The following NELL2 variants were observed in gnomAD, a reference collection of about 807,000 sequenced individuals.
NELL2 encodes neural EGFL like 2.
A neutral mutation model predicts 109.6 loss-of-function variants in NELL2; 41 were observed. That is an observed-to-expected ratio of 0.37 (90% CI 0.29 to 0.49). The LOEUF (loss-of-function observed/expected upper bound fraction) is 0.49. Ranked by LOEUF, NELL2 falls within the 20% of genes least tolerant of loss-of-function variation. The probability of loss-of-function intolerance (pLI) is 0.98; values close to 1 mark genes in which losing one functional copy is unlikely to be tolerated. For missense variants in NELL2, 900 were observed against 1,008.3 expected (o/e 0.89, Z 1.45); for synonymous variants, 355 against 344.7 (o/e 1.03, Z -0.33).
intron 13 of NELL2, among the ~76,000 whole-genome samples, chr12:44,630,365 G>T (rs1334014174): frequency 6.6e-6 from 1 of 152,190 alleles, no homozygotes; most frequent in Non-Finnish European, 1.5e-5. Flanking sequence ...ATTTTAAGTA[G>T]AGGAACTAGA....
intron 1 of NELL2, among the ~76,000 whole-genome samples, chr12:44,896,615 T>A (rs751919436): frequency 9.9e-5 from 15 of 152,176 alleles, no homozygotes; most frequent in Admixed American, 2.6e-4. Flanking sequence ...CAATATGTAA[T>A]TGATTTTATA....
intron 15 of NELL2, among the ~76,000 whole-genome samples, chr12:44,599,126 T>C (rs1945094885): frequency 6.6e-6 from 1 of 152,034 alleles, no homozygotes; most frequent in African/African-American, 2.4e-5. Flanking sequence ...CAAATGTAAA[T>C]TTTCCCTGGA....
chr12:44,831,234 C>T (rs1304696084), intron 2 of NELL2, among the ~76,000 whole-genome samples: 1 of 152,122 alleles, frequency 6.6e-6, no homozygotes, highest in Non-Finnish European at 1.5e-5. Flanking sequence ...ATCTCTAGCG[C>T]TAATTTAACC....
intron 13 of NELL2, among the ~76,000 whole-genome samples, chr12:44,635,955 T>A (rs1442039017): frequency 1.3e-5 from 2 of 152,232 alleles, no homozygotes; most frequent in Non-Finnish European, 2.9e-5. Context: ...CCTCTCTTGT[T>A]TCCTTGAGCA....
At chr12:44,890,550 T>C (rs1210641915) in intron 1 of NELL2, among the ~76,000 whole-genome samples, 1 of 152,146 alleles carries the variant, frequency 6.6e-6, no homozygotes, top group African/African-American at 2.4e-5. Context: ...TCTCTATAGC[T>C]GTCTCCTTTA....
intron 15 of NELL2, among the ~76,000 whole-genome samples, chr12:44,570,335 T>C (rs1943817179): frequency 6.6e-6 from 1 of 152,178 alleles, no homozygotes; most frequent in African/African-American, 2.4e-5. Context: ...TTCCAGTGAC[T>C]GCTCCACCAT....
intron 15 of NELL2, among the ~76,000 whole-genome samples, chr12:44,550,597 G>A (rs555945719): frequency 2.8e-5 from 4 of 144,100 alleles, no homozygotes; most frequent in Admixed American, 7.0e-5. Flanking sequence ...ATAAATAGCC[G>A]AGTTATGGGG....
chr12:44,599,967 T>TG (rs1340323591), intron 15 of NELL2, among the ~76,000 whole-genome samples: 2 of 145,512 alleles, frequency 1.4e-5, no homozygotes, highest in African/African-American at 5.1e-5. Context: ...TCCGTTTTTT[T>TG]TTTTTTTTTT....
At chr12:44,753,411 A>T (rs1437274877) in intron 9 of NELL2, among the ~76,000 whole-genome samples, 2 of 152,168 alleles carry the variant, frequency 1.3e-5, no homozygotes, top group Non-Finnish European at 2.9e-5. Flanking sequence ...CATCTGGATA[A>T]ATTCTAACTG....
intron 2 of NELL2, among the ~76,000 whole-genome samples, chr12:44,852,979 G>A (rs1944576973): frequency 6.6e-6 from 1 of 152,126 alleles, no homozygotes; most frequent in Non-Finnish European, 1.5e-5. Flanking sequence ...CTCTACATCA[G>A]AGGCTTAGTG....
At chr12:44,715,008 G>A (rs1396670513) in intron 9 of NELL2, among the ~76,000 whole-genome samples, 1 of 151,820 alleles carries the variant, frequency 6.6e-6, no homozygotes, top group African/African-American at 2.4e-5. Context: ...GTGCCAAAAA[G>A]CAGACTTACA....
intron 15 of NELL2, among the ~76,000 whole-genome samples, chr12:44,596,300 A>G (rs184513159): frequency 1.8e-4 from 28 of 152,326 alleles, no homozygotes; most frequent in Non-Finnish European, 2.5e-4. Flanking sequence ...TTAGCATCCT[A>G]TGGTGCAGTG....
At chr12:44,767,188 C>CA (rs1024260771) in intron 9 of NELL2, among the ~76,000 whole-genome samples, 1 of 151,926 alleles carries the variant, frequency 6.6e-6, no homozygotes, top group Non-Finnish European at 1.5e-5. Context: ...AATTTAACAA[C>CA]AATTTTATAT....
In NELL2 at chr12:44,776,115, A is replaced by C; in HGVS notation, c.798T>G (p.Asp266Glu). 1 of 1,614,066 alleles carries C rather than the reference A, an allele frequency of 6.2e-7. No homozygotes were observed. Among genetic ancestry groups the C allele is most frequent in the Non-Finnish European group, 8.5e-7 (1 of 1,179,964 alleles). The change falls in exon 8 of 20, where the codon GAT (aspartate) becomes GAG (glutamate). Residue 266 changes from aspartate to glutamate, a missense_variant. By Grantham distance (45) the Asp-to-Glu change is conservative. Around this residue, in one of 4 missense-constraint regions of NELL2, gnomAD observed 292 missense variants for 265.3 expected, o/e 1.10. Coordinates refer to ENST00000429094, the MANE Select transcript of NELL2 (RefSeq NM_001145108.2). ...SRAEQRMNRL[D>E]QCYCERTCTM... ...TGCAAGTCCTTTCACAATAGCACTG[A>C]TCCAATCTATTCATTCGCTGTTCAG...
intron 3 of NELL2, among the ~76,000 whole-genome samples, chr12:44,787,770 AT>A (rs1297900886): frequency 1.3e-5 from 2 of 148,294 alleles, no homozygotes; most frequent in Admixed American, 6.7e-5. Context: ...AAAAAAAAAA[AT>A]TTTAACTTCA....
chr12:44,879,623 G>A (rs1002466464), upstream of NELL2, among the ~76,000 whole-genome samples: 2 of 151,904 alleles, frequency 1.3e-5, no homozygotes, highest in African/African-American at 4.9e-5. Context: ...ACTCTATCGG[G>A]ACCCTAAGAA....
intron 2 of NELL2, among the ~76,000 whole-genome samples, chr12:44,848,040 A>AG (rs1480489142): frequency 1.3e-5 from 2 of 151,718 alleles, no homozygotes; most frequent in East Asian, 3.9e-4. Context: ...CAAAAAAAAA[A>AG]AAAAAAAAGG....
intron 18 of NELL2, 39 bp from the exon 19 acceptor site, chr12:44,520,268 G>A (rs1392090906): frequency 3.2e-6 from 5 of 1,542,674 alleles, no homozygotes; most frequent in Non-Finnish European, 4.4e-6. Flanking sequence ...GAGGGAGAGG[G>A]AGGAGGAAAT....
intron 13 of NELL2, among the ~76,000 whole-genome samples, chr12:44,656,003 T>G (rs1947485601): frequency 6.6e-6 from 1 of 152,192 alleles, no homozygotes; most frequent in African/African-American, 2.4e-5. Flanking sequence ...AATGCAAAAG[T>G]CATTTCCAAT....
Sources: allele counts gnomAD v4.1 joint callset (sites outside exome capture counted in the v4.1 genomes callset), GRCh38; gene constraint gnomAD v4.1.1; regional missense constraint gnomAD v4.1.1; transcripts MANE v1.5; gene names NCBI Gene and HGNC (gene_info 2026-07-23, HGNC 2026-07-21).